DCUN1D2: variants seen among roughly 807,000 people sequenced by gnomAD.
DCUN1D2 encodes the protein defective in cullin neddylation 1 domain containing 2.
A neutral mutation model predicts 30.9 loss-of-function variants in DCUN1D2; 29 were observed. The ratio of observed to expected loss-of-function variants is 0.94; its 90% CI spans 0.70 to 1.28. DCUN1D2 has a LOEUF of 1.28. Among genes scored for constraint, DCUN1D2 ranks in the 50% most tolerant of loss-of-function variants. The pLI, the probability that DCUN1D2 is intolerant of heterozygous loss-of-function variation, is 0.00. For missense variants in DCUN1D2, 325 were observed against 316.9 expected (o/e 1.03, Z -0.19); for synonymous variants, 121 against 115.3 (o/e 1.05, Z -0.32).
chr13:113,482,860 T>C (rs1268771355), intron 2 of DCUN1D2, among the ~76,000 whole-genome samples: 1 of 152,106 alleles, frequency 6.6e-6, no homozygotes, highest in Non-Finnish European at 1.5e-5. Context: ...GGAGAATCGC[T>C]TGAATGTGGG....
intron 3 of DCUN1D2, among the ~76,000 whole-genome samples, chr13:113,479,482 G>A (rs2044670529): frequency 6.6e-6 from 1 of 152,208 alleles, no homozygotes. Context: ...GGCCAGGCAC[G>A]GTGGCTCCCG....
chr13:113,463,835 G>C (rs112306524), intron 4 of DCUN1D2, among the ~76,000 whole-genome samples: 13 of 151,942 alleles, frequency 8.6e-5, no homozygotes, highest in African/African-American at 3.1e-4. Context: ...CACAGACACA[G>C]ACACAAAGGA....
chr13:113,480,736 T>C lies in DCUN1D2; in HGVS notation c.228A>G (p.Gln76=). The C allele has an allele frequency of 6.2e-7, 1 of 1,613,992 alleles. No homozygotes were observed. The highest frequency in any genetic ancestry group is 8.5e-7 in the Non-Finnish European group (1 of 1,179,976). ...ERLYGRYKDP[Q]DENKIGVDGI... ...CATCGACTCCAATTTTGTTTTCATC[T>C]TGTGGATCTGTAGTTAATATCAGGG... is the stretch of plus-strand genomic sequence containing the variant. Residue 76 remains glutamine, a synonymous_variant, in exon 3 of 7, where the codon CAA becomes CAG. Transcript: ENST00000478244.
At chr13:113,480,865 T>C (rs2044696656) in intron 2 of DCUN1D2, 122 bp from the exon 3 acceptor site, 1 of 923,446 alleles carries the variant, frequency 1.1e-6, no homozygotes, top group Non-Finnish European at 1.6e-6. Flanking sequence ...TTCCAATACA[T>C]CAATCAATAG....
At chr13:113,469,668 C>A (rs2044469679) in intron 4 of DCUN1D2, among the ~76,000 whole-genome samples, 1 of 151,314 alleles carries the variant, frequency 6.6e-6, no homozygotes, top group Non-Finnish European at 1.5e-5. Flanking sequence ...CGGAGGGAGA[C>A]CTCAACTCTA....
chr13:113,469,960 T>C (rs2044473901), intron 4 of DCUN1D2, among the ~76,000 whole-genome samples: 1 of 151,952 alleles, frequency 6.6e-6, no homozygotes, highest in African/African-American at 2.4e-5. Context: ...AACTTAGTAA[T>C]GAGGAAATCA....
At chr13:113,463,458 G>A (rs760915637) in intron 4 of DCUN1D2, among the ~76,000 whole-genome samples, 49 of 151,780 alleles carry the variant, frequency 3.2e-4, no homozygotes, top group Non-Finnish European at 2.5e-4. Context: ...TTAGGAGGCC[G>A]CGGCAGGAGG....
chr13:113,458,487 C>A (rs536374774), intron 6 of DCUN1D2, among the ~76,000 whole-genome samples: 1 of 152,354 alleles, frequency 6.6e-6, no homozygotes, highest in South Asian at 2.1e-4. Flanking sequence ...TCCTGCGGCT[C>A]TTCCCAAGTG....
chr13:113,460,032 C>T (rs996236696), intron 5 of DCUN1D2, among the ~76,000 whole-genome samples: 1 of 152,264 alleles, frequency 6.6e-6, no homozygotes, highest in African/African-American at 2.4e-5. Context: ...TGGGAAACAT[C>T]TGTGACTTAG....
rs892622035 is a variant in DCUN1D2 at position 113,488,622 on chromosome 13, T to C, written c.3+2045A>G. Among the ~76,000 whole-genome samples the C allele has an allele frequency of 6.6e-6, 1 of 152,124 alleles. No homozygotes were observed. The highest frequency in any genetic ancestry group is 2.4e-5 in the African/African-American group (1 of 41,420). On this transcript the variant is annotated intron_variant, in intron 1 of 6. Coordinates refer to ENST00000478244, the MANE Select transcript of DCUN1D2 (RefSeq NM_001014283.2). The surrounding 1 kb of genome is among the most constrained non-coding windows in gnomAD (Gnocchi z 4.3). ...GATCAAATTTACAAAGGCCCAGACA[T>C]TGGCAGTAAGCTTTGAGTGCACCAA... is the stretch of plus-strand genomic sequence containing the variant.
At chr13:113,475,739 G>A (rs995001890) in intron 3 of DCUN1D2, 2 of 152,604 alleles carry the variant, frequency 1.3e-5, no homozygotes, top group African/African-American at 4.8e-5. Flanking sequence ...ATAAAAACTA[G>A]CCAGGTGTGG....
rs1216486689 is a variant in DCUN1D2 at position 113,457,739 on chromosome 13, G to A, written c.*290C>T. ...CTGCGGTCCCACAGGCGGCGCTATG[G>A]CTCTACCTTAGTATTTTGTAAATAT... On this transcript the variant is annotated 3_prime_UTR_variant, in exon 7 of 7. Transcript: ENST00000478244. 9.8e-6 allele frequency: 3 copies of A among 306,732 alleles called. No individual in the cohort carries two copies. Among genetic ancestry groups the A allele is most frequent in the Middle Eastern group, 1.0e-3 (1 of 990 alleles). 19.0% of individuals were successfully genotyped at this position (306,732 alleles called of 1,614,324 possible). A position where few individuals can be genotyped will look rare whatever the true frequency, so the allele number is the denominator to read the frequency against.
chr13:113,483,755 C>A, intron 2 of DCUN1D2, 85 bp downstream of exon 2: 1 of 1,382,602 alleles, frequency 7.2e-7, no homozygotes, highest in Non-Finnish European at 1.0e-6. Context: ...GGAGACCTGC[C>A]CCGGCACCAG....
intron 2 of DCUN1D2, 29 bp downstream of exon 2, chr13:113,483,811 C>T (rs1159249846): frequency 1.5e-5 from 24 of 1,600,994 alleles, no homozygotes; most frequent in Non-Finnish European, 2.0e-5. Context: ...GGCCGACATC[C>T]GTCCGGCTTT....
Position 113,458,000 on chromosome 13 carries a change from C to G in DCUN1D2, c.*29G>C, listed in dbSNP as rs1228557014. On this transcript the variant is annotated 3_prime_UTR_variant, in exon 7 of 7. Coordinates refer to ENST00000478244, the MANE Select transcript of DCUN1D2 (RefSeq NM_001014283.2). ...TCTCCTTGCAGGATACAAATCATTT[C>G]ATAATCTTACTCCTGCTTAACTTGC... 8.2e-6 allele frequency: 13 copies of G among 1,595,038 alleles called. No individual in the cohort carries two copies. Among genetic ancestry groups the G allele is most frequent in the Admixed American group, 1.7e-5 (1 of 59,962 alleles).
rs565770088 is a variant in DCUN1D2, at chr13:113,485,560, G to A, written c.4-1504C>T. Among the ~76,000 whole-genome samples, 5 of 152,154 alleles carry A rather than the reference G, an allele frequency of 3.3e-5. No individual in the cohort carries two copies. In the South Asian group the frequency reaches 6.2e-4, roughly 19 times the overall value. ...CTTCTGGCCTAAAACCTGAGGAAAC[G>A]TCTTCTGCGGCTCCTCACAAAGTTC... On this transcript the variant is annotated intron_variant, in intron 1 of 6. Coordinates refer to ENST00000478244, the MANE Select transcript of DCUN1D2 (RefSeq NM_001014283.2).
At chr13:113,474,964 A>G (rs2044588381) in intron 3 of DCUN1D2, among the ~76,000 whole-genome samples, 1 of 152,230 alleles carries the variant, frequency 6.6e-6, no homozygotes, top group Admixed American at 6.5e-5. Context: ...CAAAAAGTCA[A>G]TAACCTTTAA....
chr13:113,465,618 A>T (rs995011215), intron 4 of DCUN1D2, among the ~76,000 whole-genome samples: 1 of 151,476 alleles, frequency 6.6e-6, no homozygotes, highest in African/African-American at 2.4e-5. Flanking sequence ...AAGAACACCG[A>T]AGGAGCTCAT....
At chr13:113,485,837 G>A (rs1037679839) in intron 1 of DCUN1D2, among the ~76,000 whole-genome samples, 8 of 152,044 alleles carry the variant, frequency 5.3e-5, no homozygotes, top group South Asian at 2.1e-4. Context: ...GTCCTAAGCC[G>A]CCACCAGCCT....
Sources: gnomAD v4.1 joint callset for allele counts (sites outside exome capture counted in the v4.1 genomes callset) on GRCh38, gnomAD v4.1.1 for gene constraint, Gnocchi (gnomAD v3.1) non-coding constraint, MANE v1.5 for transcripts, NCBI Gene and HGNC (gene_info 2026-07-23, HGNC 2026-07-21) for gene names.